Variants in TMEM272 observed in about 807,000 individuals in gnomAD.
TMEM272 encodes the protein long intergenic non-protein coding RNA 282.
In TMEM272, 8 loss-of-function variants were observed where a neutral mutation model predicts 3.7. That is an observed-to-expected ratio of 2.17 (90% CI 1.27 to 3.91). The LOEUF is 3.91. Ranked by LOEUF, TMEM272 falls within the 30% of genes most tolerant of loss-of-function variation. The probability of loss-of-function intolerance (pLI) is 0.00; values close to 1 mark genes in which losing one functional copy is unlikely to be tolerated. For synonymous variants in TMEM272, 63 were observed against 39.8 expected (o/e 1.58, Z -2.20); for missense variants, 166 against 91.5 (o/e 1.81, Z -3.32).
chr13:51,841,984 C>T (rs9596591), intron 1 of TMEM272, among the ~76,000 whole-genome samples: 1,949 of 152,192 alleles, frequency 0.013, 43 homozygotes, highest in African/African-American at 0.045. Context: ...AAATGCTGGC[C>T]GACAAACTTT....
At chr13:51,839,785 G>T (rs1431003753) in intron 1 of TMEM272, among the ~76,000 whole-genome samples, 2 of 152,196 alleles carry the variant, frequency 1.3e-5, no homozygotes, top group Non-Finnish European at 2.9e-5. Context: ...GTCAGCATGG[G>T]CCTGCAGGCA....
chr13:51,869,921 T>C, the TMEM272 span, among the ~76,000 whole-genome samples: 68,213 of 152,102 alleles, frequency 0.45, 16,510 homozygotes, highest in Non-Finnish European at 0.54. Context: ...GTTGTGCTCA[T>C]GTAGGTTCGG....
chr13:51,910,641 C>T, the TMEM272 span: 1 of 521,374 alleles, frequency 1.9e-6, no homozygotes, highest in South Asian at 1.8e-5. Flanking sequence ...GCTGCTCTGG[C>T]AGTGGCCAAA....
the TMEM272 span, among the ~76,000 whole-genome samples, chr13:51,924,080 A>G: frequency 6.6e-6 from 1 of 152,094 alleles, no homozygotes; most frequent in Non-Finnish European, 1.5e-5. Flanking sequence ...TTTGAAAACC[A>G]CGCCTTCCTC....
chr13:51,917,786 A>G, the TMEM272 span, among the ~76,000 whole-genome samples: 1 of 152,200 alleles, frequency 6.6e-6, no homozygotes, highest in Admixed American at 6.5e-5. Flanking sequence ...CAGCTACCCG[A>G]TAAATCACAA....
the TMEM272 span, among the ~76,000 whole-genome samples, chr13:51,900,120 C>CA: frequency 1.3e-5 from 2 of 150,534 alleles, no homozygotes; most frequent in South Asian, 4.2e-4. Context: ...AAATCACAGG[C>CA]AAAAAAAGAA....
chr13:51,928,901 T>TA, the TMEM272 span, among the ~76,000 whole-genome samples: 2 of 152,090 alleles, frequency 1.3e-5, no homozygotes, highest in Non-Finnish European at 2.9e-5. Context: ...GTTCAAGCCT[T>TA]AAAAAAAGTT....
the TMEM272 span, among the ~76,000 whole-genome samples, chr13:51,919,699 C>A: frequency 6.6e-6 from 1 of 152,234 alleles, no homozygotes; most frequent in Non-Finnish European, 1.5e-5. Flanking sequence ...CTTCCCTAAG[C>A]AGACGTCTCG....
At chr13:51,925,508 T>C in the TMEM272 span, among the ~76,000 whole-genome samples, 3 of 152,072 alleles carry the variant, frequency 2.0e-5, no homozygotes, top group Non-Finnish European at 4.4e-5. Context: ...CACACATCCC[T>C]ACACATCACA....
At chr13:51,916,270 C>A in the TMEM272 span, among the ~76,000 whole-genome samples, 2 of 152,070 alleles carry the variant, frequency 1.3e-5, no homozygotes. Flanking sequence ...ATTACAGAAG[C>A]CTTGAGGGAG....
At chr13:51,916,359 G>A in the TMEM272 span, among the ~76,000 whole-genome samples, 1 of 152,160 alleles carries the variant, frequency 6.6e-6, no homozygotes, top group Non-Finnish European at 1.5e-5. Context: ...CCATGAAACA[G>A]CAGGAACAAT....
the TMEM272 span, among the ~76,000 whole-genome samples, chr13:51,912,333 C>T: frequency 6.6e-6 from 1 of 152,166 alleles, no homozygotes. Context: ...TGTGCTGCTA[C>T]CAGTGGCTGT....
At chr13:51,923,865 T>C in the TMEM272 span, among the ~76,000 whole-genome samples, 4 of 152,298 alleles carry the variant, frequency 2.6e-5, no homozygotes, top group Middle Eastern at 0.01. Context: ...TCTGGTTTCA[T>C]TGCAGGTGAA....
the TMEM272 span, among the ~76,000 whole-genome samples, chr13:51,854,711 T>C: frequency 6.6e-6 from 1 of 152,208 alleles, no homozygotes; most frequent in Non-Finnish European, 1.5e-5. Flanking sequence ...TAATACCTAA[T>C]TTATTAATTT....
chr13:51,867,452 A>G, the TMEM272 span, among the ~76,000 whole-genome samples: 4 of 152,128 alleles, frequency 2.6e-5, no homozygotes, highest in Non-Finnish European at 5.9e-5. Flanking sequence ...CTTAAAGTAC[A>G]CTAGGATTTC....
the TMEM272 span, among the ~76,000 whole-genome samples, chr13:51,854,277 G>C: frequency 6.6e-6 from 1 of 152,196 alleles, no homozygotes; most frequent in African/African-American, 2.4e-5. Context: ...TATGAACTGT[G>C]AATCACTGAG....
At chr13:51,859,352 C>T in the TMEM272 span, among the ~76,000 whole-genome samples, 3 of 151,976 alleles carry the variant, frequency 2.0e-5, no homozygotes, top group Non-Finnish European at 2.9e-5. Context: ...TGTGACTGTG[C>T]ACATGGCTGA....
chr13:51,879,924 A>C, the TMEM272 span, among the ~76,000 whole-genome samples: 1 of 152,190 alleles, frequency 6.6e-6, no homozygotes, highest in South Asian at 2.1e-4. Context: ...AGAAGGAATC[A>C]AACAGGGAGT....
the TMEM272 span, among the ~76,000 whole-genome samples, chr13:51,920,659 C>T: frequency 6.6e-6 from 1 of 152,158 alleles, no homozygotes; most frequent in Non-Finnish European, 1.5e-5. Context: ...ATGGCAATCC[C>T]CCTCCCCACC....
Sources: gnomAD v4.1 joint callset for allele counts (sites outside exome capture counted in the v4.1 genomes callset) on GRCh38, gnomAD v4.1.1 for gene constraint, MANE v1.5 for transcripts, NCBI Gene and HGNC (gene_info 2026-07-23, HGNC 2026-07-21) for gene names.